Variants in FNDC5 observed in about 807,000 individuals in gnomAD.
The protein encoded by FNDC5 is fibronectin type III domain-containing protein 5.
FNDC5 carries 10 observed loss-of-function variants against 24.6 expected under a neutral mutation model. That is an observed-to-expected ratio of 0.41 (90% CI 0.25 to 0.69). The LOEUF (loss-of-function observed/expected upper bound fraction) is 0.69. Among genes scored for constraint, FNDC5 ranks in the 30% least tolerant of loss-of-function variants. The probability of loss-of-function intolerance (pLI) is 0.34; values close to 1 mark genes in which losing one functional copy is unlikely to be tolerated. For missense variants in FNDC5, 226 were observed against 282.9 expected (o/e 0.80, Z 1.44); for synonymous variants, 90 against 110.7 (o/e 0.81, Z 1.18).
At chr1:32,864,881 G>T in intron 4 of FNDC5, 84 bp from the exon 5 acceptor site, 1 of 1,562,310 alleles carries the variant, frequency 6.4e-7, no homozygotes, top group Non-Finnish European at 8.7e-7. Context: ...CTTGCCAATG[G>T]TCTCTCCAGA....
chr1:32,872,029 G>C (rs1641192273), upstream of FNDC5, among the ~76,000 whole-genome samples: 1 of 152,214 alleles, frequency 6.6e-6, no homozygotes, highest in Non-Finnish European at 1.5e-5. Context: ...CCCTGGAAGG[G>C]CTAATTTTCT....
Position 32,868,822 on chromosome 1 carries a change from C to T in FNDC5, c.210+60G>A. 1 of 1,106,974 alleles carries T rather than the reference C, an allele frequency of 9.0e-7. No homozygotes were observed. The highest frequency in any genetic ancestry group is 1.2e-6 in the Non-Finnish European group (1 of 861,642). The allele number at this position is 1,106,974 out of a possible 1,614,324, so 68.6% of individuals were successfully genotyped here. ...CATCACCACCACTGCCACACTCCTA[C>T]CCCCATCTGCCACTACTGTCTTGAT... On this transcript the variant is annotated intron_variant, in intron 2 of 5. Coordinates refer to ENST00000373471, the MANE Select transcript of FNDC5 (RefSeq NM_153756.3). The surrounding 1 kb of genome is among the most constrained non-coding windows in gnomAD (Gnocchi z 4.8).
chr1:32,871,754 A>T (rs1026752545), upstream of FNDC5, among the ~76,000 whole-genome samples: 8 of 152,144 alleles, frequency 5.3e-5, no homozygotes, highest in African/African-American at 1.9e-4. Flanking sequence ...CCATCCGGAG[A>T]TTCGTGAGAC....
rs374085063 is a variant in FNDC5 at position 32,868,342 on chromosome 1, G to A, written c.257C>T (p.Thr86Ile). The A allele has an allele frequency of 1.9e-6, 3 of 1,614,058 alleles. No individual in the cohort carries two copies. In the African/African-American group the frequency reaches 4.0e-5, roughly 22 times the overall value. ...GTCCCAGAGGGCACATGAGCGGGTG[G>A]TGGTGTTCACCTCCTGGATGAAGCG... The change falls in exon 3 of 6, where the codon ACC becomes ATC. Residue 86 changes from threonine to isoleucine, a missense_variant. Thr to Ile is a moderately conservative substitution (Grantham distance 89, BLOSUM62 -1). Transcript: ENST00000373471. This position sits in a 1 kb window ranked among gnomAD's most constrained non-coding sequence, Gnocchi z 4.8.
rs942336150 is a variant in FNDC5, at chr1:32,863,741, C to T, written c.*553G>A. On this transcript the variant is annotated 3_prime_UTR_variant, in exon 6 of 6. Coordinates refer to ENST00000373471, the MANE Select transcript of FNDC5 (RefSeq NM_153756.3). Reference sequence around the variant, plus strand: ...CCTTCTCCCTGCAGACAGGCAGTCACGCTTCAATGATGTTCACTGAGGGCT... The same window carrying T: ...CCTTCTCCCTGCAGACAGGCAGTCATGCTTCAATGATGTTCACTGAGGGCT... 22 of 1,304,354 alleles carry T rather than the reference C, an allele frequency of 1.7e-5. No individual in the cohort carries two copies. The highest frequency in any genetic ancestry group is 9.2e-5 in the Admixed American group (4 of 43,534). The allele number at this position is 1,304,354 out of a possible 1,614,324, so 80.8% of individuals were successfully genotyped here.
Position 32,868,399 on chromosome 1 carries a change from G to GC in FNDC5, c.211-12dup, listed in dbSNP as rs761156654. On this transcript the variant is annotated splice_polypyrimidine_tract_variant and intron_variant, in intron 2 of 5. Coordinates refer to ENST00000373471, the MANE Select transcript of FNDC5 (RefSeq NM_153756.3). The surrounding 1 kb of genome is among the most constrained non-coding windows in gnomAD (Gnocchi z 4.8). The stretch of plus-strand genomic sequence containing the variant: ...CCGCACATCCTTCTTCTGCAGACAA[G>GC]CGCCGGTCACTGCTGTCAACACTCG... 1.9e-6 allele frequency: 3 copies of GC among 1,611,498 alleles called. No individual in the cohort carries two copies. Among genetic ancestry groups the GC allele is most frequent in the Non-Finnish European group, 2.5e-6 (3 of 1,178,238 alleles).
chr1:32,863,743 C>T lies in FNDC5; in HGVS notation c.*551G>A, dbSNP rs1177552535. 4 of 1,304,530 alleles carry T rather than the reference C, an allele frequency of 3.1e-6. No homozygotes were observed. The South Asian group carries it at 4.9e-5, about 16-fold the overall frequency. The allele number at this position is 1,304,530 out of a possible 1,614,324, so 80.8% of individuals were successfully genotyped here. A position where few individuals can be genotyped will look rare whatever the true frequency, so the allele number is the denominator to read the frequency against. On this transcript the variant is annotated 3_prime_UTR_variant, in exon 6 of 6. Coordinates refer to ENST00000373471, the MANE Select transcript of FNDC5 (RefSeq NM_153756.3). ...TTCTCCCTGCAGACAGGCAGTCACG[C>T]TTCAATGATGTTCACTGAGGGCTTG...
rs1238881863 is a variant in FNDC5 at position 32,867,857 on chromosome 1, A to C, written c.410-15T>G. The C allele has an allele frequency of 1.2e-6, 2 of 1,613,100 alleles. No individual in the cohort carries two copies. Among genetic ancestry groups the C allele is most frequent in the Admixed American group, 1.7e-5 (1 of 59,980 alleles). On this transcript the variant is annotated splice_polypyrimidine_tract_variant and intron_variant, in intron 3 of 5. Coordinates refer to ENST00000373471, the MANE Select transcript of FNDC5 (RefSeq NM_153756.3). ...GGTTACCTCATCTGCAGGGAGAGAG[A>C]CACTAGATCCAGCACTCCTTTCCTC...
chr1:32,865,364 G>T (rs1641051357), intron 4 of FNDC5, among the ~76,000 whole-genome samples: 1 of 151,018 alleles, frequency 6.6e-6, no homozygotes, highest in Admixed American at 6.6e-5. Flanking sequence ...CTCCCAAAGT[G>T]CTGGGATTAC....
intron 4 of FNDC5, among the ~76,000 whole-genome samples, chr1:32,867,191 G>A (rs1641086773): frequency 6.6e-6 from 1 of 152,184 alleles, no homozygotes; most frequent in Non-Finnish European, 1.5e-5. Context: ...CTAACACAAG[G>A]GCTAAAGAGA....
At chr1:32,870,575 A>G (rs528143361) in intron 1 of FNDC5, 78 bp downstream of exon 1, 19,915 of 909,882 alleles carry the variant, frequency 0.022, 243 homozygotes, top group Non-Finnish European at 0.024. Context: ...GGGCAGAGAA[A>G]GGACCAGGGG....
rs759827284 is a variant in FNDC5, at chr1:32,864,256, G to C, written c.*38C>G. The stretch of plus-strand genomic sequence containing the variant: ...GATCCTCTCACATTCTCTACTGTCT[G>C]TCTTCTTAGCTGCTGAGGGCAAGCA... On this transcript the variant is annotated 3_prime_UTR_variant, in exon 6 of 6. Coordinates refer to ENST00000373471, the MANE Select transcript of FNDC5 (RefSeq NM_153756.3). The C allele has an allele frequency of 1.2e-5, 20 of 1,614,082 alleles. No individual in the cohort carries two copies. The highest frequency in any genetic ancestry group is 1.6e-4 in the Middle Eastern group (1 of 6,084).
chr1:32,868,176 T>C lies in FNDC5; in HGVS notation c.409+14A>G, dbSNP rs1335690200. 2 of 1,613,338 alleles carry C rather than the reference T, an allele frequency of 1.2e-6. No homozygotes were observed. Among genetic ancestry groups the C allele is most frequent in the African/African-American group, 2.7e-5 (2 of 74,908 alleles). The stretch of plus-strand genomic sequence containing the variant: ...CACCCCACCCCATTCCTCTTAACAG[T>C]GACCCGGGCCTGCCTTTGTTCTTGG... On this transcript the variant is annotated intron_variant, in intron 3 of 5. Transcript: ENST00000373471. This position sits in a 1 kb window ranked among gnomAD's most constrained non-coding sequence, Gnocchi z 4.8.
chr1:32,864,396 C>A, intron 5 of FNDC5, 97 bp from the exon 6 acceptor site: 4 of 1,567,256 alleles, frequency 2.6e-6, no homozygotes, highest in Non-Finnish European at 3.5e-6. Context: ...CACCCCACTC[C>A]TATTGTCCCG....
Position 32,864,721 on chromosome 1 carries a change from C to G in FNDC5, c.576G>C (p.Lys192Asn). 1.2e-6 allele frequency: 2 copies of G among 1,614,218 alleles called. No homozygotes were observed. Among genetic ancestry groups the G allele is most frequent in the East Asian group, 2.2e-5 (1 of 44,884 alleles). ...CTGGTGTGCTGGTTTCTGATGCACTCTTGGTTTTTTCCTTGTTGTTATTGG... is the reference window on the plus strand; with the variant it reads ...CTGGTGTGCTGGTTTCTGATGCACTGTTGGTTTTTTCCTTGTTGTTATTGG... The change falls in exon 5 of 6, where the codon AAG (lysine) becomes AAC (asparagine). Residue 192 changes from lysine (K) to asparagine (N), a missense_variant. Physicochemically the swap from Lys to Asn is moderately conservative, Grantham distance 94. Coordinates refer to ENST00000373471, the MANE Select transcript of FNDC5 (RefSeq NM_153756.3).
At position 32,864,060 on chromosome 1, in the gene FNDC5, T is replaced by C; in HGVS notation, c.*234A>G. ...TACCCCCAGCAGTCATCCCTCTGAG[T>C]GCAGCCTCAGCCACTGACATTGTTG... On this transcript the variant is annotated 3_prime_UTR_variant, in exon 6 of 6. Coordinates refer to ENST00000373471, the MANE Select transcript of FNDC5 (RefSeq NM_153756.3). 6.9e-7 allele frequency: 1 copy of C among 1,448,590 alleles called. No homozygotes were observed. Among genetic ancestry groups the C allele is most frequent in the Non-Finnish European group, 9.1e-7 (1 of 1,100,184 alleles). 89.7% of individuals were successfully genotyped at this position (1,448,590 alleles called of 1,614,324 possible).
intron 1 of FNDC5, 25 bp downstream of exon 1, chr1:32,870,628 G>A: frequency 1.7e-6 from 2 of 1,195,954 alleles, no homozygotes; most frequent in Middle Eastern, 3.3e-4. Flanking sequence ...CCCCGGCGCC[G>A]GCCCCCCGCC....
At chr1:32,869,039 G>T in intron 1 of FNDC5, 42 bp from the exon 2 acceptor site, 1 of 1,101,906 alleles carries the variant, frequency 9.1e-7, no homozygotes, top group African/African-American at 1.6e-5. Flanking sequence ...ATCCCCTATT[G>T]TGAGGCCCAG....
intron 5 of FNDC5, 171 bp from the exon 6 acceptor site, chr1:32,864,470 T>C: frequency 6.8e-7 from 1 of 1,474,904 alleles, no homozygotes; most frequent in South Asian, 1.4e-5. Context: ...AAATCACCAC[T>C]GGCCCCTGGC....
Sources: allele counts gnomAD v4.1 joint callset (sites outside exome capture counted in the v4.1 genomes callset), GRCh38; gene constraint gnomAD v4.1.1; non-coding constraint Gnocchi (gnomAD v3.1); transcripts MANE v1.5; gene names NCBI Gene and HGNC (gene_info 2026-07-23, HGNC 2026-07-21).